The following TTLL11 variants were observed in gnomAD, a reference collection of about 807,000 sequenced individuals.
TTLL11 encodes the protein tubulin tyrosine ligase like 11.
TTLL11 carries 42 observed loss-of-function variants against 51.7 expected under a neutral mutation model. The observed-to-expected ratio is 0.81, with a 90% CI of 0.64 to 1.05. The LOEUF (loss-of-function observed/expected upper bound fraction) is 1.05, where lower values mean the gene tolerates loss of function less well. Among genes scored for constraint, TTLL11 ranks in the 50% least tolerant of loss-of-function variants. TTLL11 has a pLI of 0.00. For missense variants in TTLL11, 799 were observed against 940.4 expected, an observed-to-expected ratio of 0.85 and a Z score of 1.97; for synonymous variants, 381 against 383.5, an observed-to-expected ratio of 0.99 and a Z score of 0.08.
chr9:121,909,449 C>G lies in TTLL11; in HGVS notation c.1482-38701G>C, dbSNP rs547394672. Among the ~76,000 whole-genome samples the G allele has an allele frequency of 3.9e-5, 6 of 152,272 alleles. No individual in the cohort carries two copies. The South Asian group carries it at 1.0e-3, about 26-fold the overall frequency. The stretch of plus-strand genomic sequence containing the variant: ...AGCTGACCAACAACCACCCCCTACT[C>G]CCTATCTCCTTTACTCAATAAATAA... On this transcript the variant is annotated intron_variant, in intron 6 of 8. Transcript: ENST00000321582.
Position 121,970,309 on chromosome 9 carries a change from G to T in TTLL11, c.1481+3700C>A, listed in dbSNP as rs535094079. Among the ~76,000 whole-genome samples, 213 of 152,298 alleles carry T rather than the reference G, an allele frequency of 1.4e-3. 3 individuals carry two copies. The highest frequency in any genetic ancestry group is 4.9e-3 in the African/African-American group (205 of 41,552). On this transcript the variant is annotated intron_variant, in intron 6 of 8. Transcript: ENST00000321582. The stretch of plus-strand genomic sequence containing the variant: ...GCCTGCAGCTCATATAGATGACATA[G>T]AATGCAGCTCCTATGGATTAACTGG...
chr9:122,044,874 C>G (rs1452944465), intron 1 of TTLL11, among the ~76,000 whole-genome samples: 1 of 152,036 alleles, frequency 6.6e-6, no homozygotes, highest in Non-Finnish European at 1.5e-5. Flanking sequence ...CTTTGGGAGG[C>G]TGACGCGGGA....
chr9:122,090,561 C>T (rs1197057256), intron 1 of TTLL11, among the ~76,000 whole-genome samples: 2 of 152,158 alleles, frequency 1.3e-5, no homozygotes, highest in Non-Finnish European at 2.9e-5. Context: ...TTTATTTCCT[C>T]CAGGAAGTCC....
chr9:121,822,782 GTCAA>G lies in TTLL11; in HGVS notation c.1934_1937del (p.Ile645ThrfsTer134). The G allele has an allele frequency of 6.4e-7, 1 of 1,551,716 alleles. No homozygotes were observed. The highest frequency in any genetic ancestry group is 8.7e-7 in the Non-Finnish European group (1 of 1,146,986). On this transcript the variant is annotated frameshift_variant, in exon 9 of 9. Transcript: ENST00000321582. LOFTEE classifies it low-confidence loss of function (END_TRUNC). This position sits in a 1 kb window ranked among gnomAD's most constrained non-coding sequence, Gnocchi z 5.8. ...GCAGGGACAGGTGGTACTCGCAAAGGTCAATCAGTGAGGCCACCTGCTCATGAAG... is the reference window on the plus strand; with the variant it reads ...GCAGGGACAGGTGGTACTCGCAAAGGTCAGTGAGGCCACCTGCTCATGAAG...
chr9:122,006,485 C>T (rs531717072), intron 3 of TTLL11, among the ~76,000 whole-genome samples: 1 of 151,552 alleles, frequency 6.6e-6, no homozygotes, highest in East Asian at 1.9e-4. Flanking sequence ...CATACAACAC[C>T]CAGTGATTAT....
chr9:121,936,693 A>G (rs954902122), intron 6 of TTLL11, among the ~76,000 whole-genome samples: 10 of 152,236 alleles, frequency 6.6e-5, no homozygotes, highest in Non-Finnish European at 1.3e-4. Context: ...GCTTAACGAA[A>G]AAAGCTAAAA....
At chr9:121,899,355 ATGTGTGTGTG>A (rs141125928) in intron 6 of TTLL11, among the ~76,000 whole-genome samples, 1 of 138,902 alleles carries the variant, frequency 7.2e-6, no homozygotes, top group African/African-American at 2.8e-5. Flanking sequence ...GTGTGTGTGT[ATGTGTGTGTG>A]TATATATATA....
chr9:121,867,018 T>C (rs185078848), intron 7 of TTLL11, among the ~76,000 whole-genome samples: 355 of 152,288 alleles, frequency 2.3e-3, no homozygotes, highest in Non-Finnish European at 2.7e-3. Flanking sequence ...TAGAGACAGA[T>C]TTGTGGCTAT....
intron 8 of TTLL11, among the ~76,000 whole-genome samples, chr9:121,842,504 CAA>C (rs72326518): frequency 0.059 from 8,985 of 152,258 alleles, 733 homozygotes; most frequent in African/African-American, 0.19. Flanking sequence ...CTCCTGGGCT[CAA>C]GTGATCCTCC....
At chr9:121,997,215 G>A (rs568233786) in intron 3 of TTLL11, among the ~76,000 whole-genome samples, 11 of 141,606 alleles carry the variant, frequency 7.8e-5, no homozygotes, top group Non-Finnish European at 1.5e-4. Flanking sequence ...ACACGCCCGG[G>A]ACACTGAAAC....
intron 6 of TTLL11, chr9:121,885,363 T>TGGA (rs965132974): frequency 1.7e-4 from 26 of 152,374 alleles, no homozygotes; most frequent in African/African-American, 5.3e-4. Context: ...GTTTTCCATT[T>TGGA]GGAGGCTCTG....
At chr9:121,985,136 T>C (rs1842912110) in intron 4 of TTLL11, among the ~76,000 whole-genome samples, 1 of 152,216 alleles carries the variant, frequency 6.6e-6, no homozygotes, top group African/African-American at 2.4e-5. Context: ...TAAATGTAAT[T>C]TCTTTGGCTA....
At chr9:121,955,948 T>C (rs571609694) in intron 6 of TTLL11, among the ~76,000 whole-genome samples, 6 of 152,304 alleles carry the variant, frequency 3.9e-5, no homozygotes, top group African/African-American at 1.4e-4. Context: ...TATCTATTGT[T>C]CCATTTTAAA....
intron 3 of TTLL11, among the ~76,000 whole-genome samples, chr9:122,015,253 G>A (rs1364300910): frequency 6.6e-6 from 1 of 152,104 alleles, no homozygotes; most frequent in Admixed American, 6.6e-5. Flanking sequence ...AGCATCTTGA[G>A]TTTCAGATGA....
Position 122,015,153 on chromosome 9 carries a change from G to A in TTLL11, c.693+16570C>T, listed in dbSNP as rs117642431. ...AACTGCAAGCACAACACAGATGCCA[G>A]TCGTCATTTGGGCTGTTTAAAAGGA... On this transcript the variant is annotated intron_variant, in intron 3 of 8. Coordinates refer to ENST00000321582, the MANE Select transcript of TTLL11 (RefSeq NM_001139442.2). 7.7e-4 allele frequency among the ~76,000 whole-genome samples: 117 copies of A among 152,286 alleles called. No individual in the cohort carries two copies. In the East Asian group the frequency reaches 0.021, roughly 27 times the overall value.
chr9:122,054,929 T>C (rs1347165216), intron 1 of TTLL11, among the ~76,000 whole-genome samples: 2 of 152,158 alleles, frequency 1.3e-5, no homozygotes, highest in African/African-American at 2.4e-5. Context: ...TGACTTCTCT[T>C]AGGGCAGCTT....
At chr9:121,918,767 T>A (rs994018625) in intron 6 of TTLL11, among the ~76,000 whole-genome samples, 2 of 152,206 alleles carry the variant, frequency 1.3e-5, no homozygotes, top group African/African-American at 4.8e-5. Context: ...ATTCACAAGA[T>A]GTAATTCCAC....
At chr9:122,090,026 A>T (rs1172832539) in intron 1 of TTLL11, among the ~76,000 whole-genome samples, 1 of 151,802 alleles carries the variant, frequency 6.6e-6, no homozygotes, top group Non-Finnish European at 1.5e-5. Flanking sequence ...TGGGAAAAAA[A>T]GGGCAGGGTT....
chr9:121,831,139 C>T (rs1173628152), intron 8 of TTLL11, among the ~76,000 whole-genome samples: 1 of 152,174 alleles, frequency 6.6e-6, no homozygotes, highest in Non-Finnish European at 1.5e-5. Flanking sequence ...GCCTCTGACA[C>T]CTCAGGCCGA....
Sources: allele counts gnomAD v4.1 joint callset (sites outside exome capture counted in the v4.1 genomes callset), GRCh38; gene constraint gnomAD v4.1.1; non-coding constraint Gnocchi (gnomAD v3.1); transcripts MANE v1.5; gene names NCBI Gene and HGNC (gene_info 2026-07-23, HGNC 2026-07-21).